The following MTHFD1 variants were observed in gnomAD, a reference collection of about 807,000 sequenced individuals.
MTHFD1 encodes methylenetetrahydrofolate dehydrogenase, cyclohydrolase and formyltetrahydrofolate synthetase 1.
MTHFD1 carries 44 observed loss-of-function variants against 110.3 expected under a neutral mutation model. That is an observed-to-expected ratio of 0.40 (90% CI 0.31 to 0.51). The LOEUF (loss-of-function observed/expected upper bound fraction) is 0.51, where lower values mean the gene tolerates loss of function less well. Among genes scored for constraint, MTHFD1 ranks in the 20% least tolerant of loss-of-function variants. The probability of loss-of-function intolerance (pLI) is 0.60; values close to 1 mark genes in which losing one functional copy is unlikely to be tolerated. For synonymous variants in MTHFD1, 402 were observed against 428.8 expected (o/e 0.94, Z 0.77); for missense variants, 909 against 1,173.1 (o/e 0.77, Z 3.29).
chr14:64,399,589 G>A lies in MTHFD1; in HGVS notation c.42-1204G>A, dbSNP rs61465201. Among the ~76,000 whole-genome samples, 9 of 150,422 alleles carry A rather than the reference G, an allele frequency of 6.0e-5. No homozygotes were observed. In the South Asian group the frequency reaches 1.3e-3, roughly 21 times the overall value. The stretch of plus-strand genomic sequence containing the variant: ...CAGCAGAATCGCTTGAACCCAGGAG[G>A]TGGAGGTTGCAGTGAGCAGATATCG... On this transcript the variant is annotated intron_variant, in intron 1 of 27. Transcript: ENST00000652337.
In MTHFD1 at chr14:64,448,129, G is replaced by A; in HGVS notation, c.2179-88G>A. On this transcript the variant is annotated intron_variant, in intron 22 of 27. Transcript: ENST00000652337. ...TTGTCCTGATAGTGAGTGGCTGCTG[G>A]CTCAAGGAGGTTGTTTGCCTTTGAA... is the stretch of plus-strand genomic sequence containing the variant. The A allele has an allele frequency of 3.3e-6, 3 of 909,246 alleles. No homozygotes were observed. In the South Asian group the frequency reaches 4.2e-5, roughly 13 times the overall value. The allele number at this position is 909,246 out of a possible 1,614,324, so 56.3% of individuals were successfully genotyped here. A position where few individuals can be genotyped will look rare whatever the true frequency, so the allele number is the denominator to read the frequency against.
At chr14:64,412,839 C>T (rs2077995109) in intron 4 of MTHFD1, among the ~76,000 whole-genome samples, 2 of 151,586 alleles carry the variant, frequency 1.3e-5, no homozygotes, top group East Asian at 2.0e-4. Flanking sequence ...GGTTTCACCA[C>T]GTTGGCCAGG....
chr14:64,403,107 C>T (rs1177498940), intron 2 of MTHFD1, among the ~76,000 whole-genome samples: 5 of 151,270 alleles, frequency 3.3e-5, no homozygotes, highest in South Asian at 2.1e-4. Flanking sequence ...TACAGGCATG[C>T]GCCACCATGC....
intron 11 of MTHFD1, 42 bp downstream of exon 11, chr14:64,426,234 G>A: frequency 6.2e-7 from 1 of 1,611,732 alleles, no homozygotes; most frequent in Non-Finnish European, 8.5e-7. Flanking sequence ...CTTAGTATCA[G>A]TCCTGATACT....
In MTHFD1 at chr14:64,417,318, T is replaced by C. The variant is rs1464306334; in HGVS notation, c.479-570T>C. On this transcript the variant is annotated intron_variant, in intron 6 of 27. Coordinates refer to ENST00000652337, the MANE Select transcript of MTHFD1 (RefSeq NM_005956.4). The surrounding 1 kb of genome is among the most constrained non-coding windows in gnomAD (Gnocchi z 4.4). ...TATATTGCCAGAAAAATGGATGCTG[T>C]GATAGCAAAAAGAAAGCTTTGCTGC... Among the ~76,000 whole-genome samples, 1 of 152,188 alleles carries C rather than the reference T, an allele frequency of 6.6e-6. No homozygotes were observed. Among genetic ancestry groups the C allele is most frequent in the Non-Finnish European group, 1.5e-5 (1 of 68,032 alleles).
chr14:64,441,916 A>G, intron 19 of MTHFD1, 138 bp from the exon 20 acceptor site: 1 of 716,752 alleles, frequency 1.4e-6, no homozygotes, highest in South Asian at 1.5e-5. Context: ...CGTTACTGAA[A>G]TAAAAGAGAT....
rs755219051 is a variant in MTHFD1 at position 64,427,436 on chromosome 14, G to A, written c.1227G>A (p.Val409=). 7 of 1,614,070 alleles carry A rather than the reference G, an allele frequency of 4.3e-6. No homozygotes were observed. Among genetic ancestry groups the A allele is most frequent in the Non-Finnish European group, 5.1e-6 (6 of 1,180,032 alleles). The part of the protein sequence containing the change: ...AHLYQNVFAC[V]RQPSQGPTFG... ...TCTACCAGAATGTCTTTGCGTGTGTGCGACAGCCTTCTCAGGGCCCCACCT... is the reference window on the plus strand; with the variant it reads ...TCTACCAGAATGTCTTTGCGTGTGTACGACAGCCTTCTCAGGGCCCCACCT... The change falls in exon 12 of 28, where the codon GTG becomes GTA. Residue 409 remains valine, a synonymous_variant. Coordinates refer to ENST00000652337, the MANE Select transcript of MTHFD1 (RefSeq NM_005956.4).
intron 6 of MTHFD1, among the ~76,000 whole-genome samples, chr14:64,415,998 T>C (rs1002043402): frequency 2.0e-5 from 3 of 152,180 alleles, no homozygotes; most frequent in African/African-American, 7.2e-5. Flanking sequence ...CCCAGCACTT[T>C]GGGAGGCTGA....
chr14:64,458,088 A>G (rs542587888), intron 26 of MTHFD1, 126 bp from the exon 27 acceptor site: 2 of 786,502 alleles, frequency 2.5e-6, no homozygotes, highest in South Asian at 1.3e-5. Context: ...TGGGGGTCTC[A>G]CTATGTTGCC....
chr14:64,393,832 A>T (rs552569345), intron 1 of MTHFD1, among the ~76,000 whole-genome samples: 40 of 152,230 alleles, frequency 2.6e-4, no homozygotes, highest in African/African-American at 8.7e-4. Context: ...CTTGGAGTGG[A>T]AGCAAATGGC....
intron 1 of MTHFD1, among the ~76,000 whole-genome samples, chr14:64,399,238 C>A (rs1263021658): frequency 6.6e-6 from 1 of 152,174 alleles, no homozygotes; most frequent in Non-Finnish European, 1.5e-5. Context: ...AAAAGATGAG[C>A]ATCAGCACTT....
At chr14:64,421,601 CT>C (rs1673331711) in intron 8 of MTHFD1, among the ~76,000 whole-genome samples, 1 of 151,124 alleles carries the variant, frequency 6.6e-6, no homozygotes, top group Middle Eastern at 3.2e-3. Context: ...CAAGCTCAGT[CT>C]TTTTATTTAT....
intron 1 of MTHFD1, among the ~76,000 whole-genome samples, chr14:64,393,848 TCTC>T (rs1188847759): frequency 6.6e-6 from 1 of 152,188 alleles, no homozygotes; most frequent in African/African-American, 2.4e-5. Flanking sequence ...ATGGCTCCCT[TCTC>T]CTCTAATTGA....
intron 4 of MTHFD1, 23 bp downstream of exon 4, chr14:64,412,548 T>C (rs1048813243): frequency 6.3e-7 from 1 of 1,597,790 alleles, no homozygotes; most frequent in African/African-American, 1.3e-5. Flanking sequence ...GAGTTGATTG[T>C]GAAGAGGGAA....
chr14:64,441,562 T>G, intron 19 of MTHFD1, 109 bp downstream of exon 19: 2 of 967,090 alleles, frequency 2.1e-6, no homozygotes, highest in Non-Finnish European at 3.2e-6. Flanking sequence ...ATCCCAGCAC[T>G]TTGGGAGGCC....
At chr14:64,452,637 A>T (rs1350933285) in intron 24 of MTHFD1, among the ~76,000 whole-genome samples, 2 of 152,220 alleles carry the variant, frequency 1.3e-5, no homozygotes, top group Non-Finnish European at 2.9e-5. Context: ...CGTGTTGATC[A>T]TGTAAATCAC....
In MTHFD1 at chr14:64,455,421, T is replaced by A. The variant is rs959608528; in HGVS notation, c.2718+546T>A. On this transcript the variant is annotated intron_variant, in intron 26 of 27. Transcript: ENST00000652337. Reference sequence around the variant, plus strand: ...CGCTTCAAGGTGAACAAGGTGTCCATTGCTTTCTTATCTTACAGATTTTAT... The same window carrying A: ...CGCTTCAAGGTGAACAAGGTGTCCAATGCTTTCTTATCTTACAGATTTTAT... 2.0e-5 allele frequency among the ~76,000 whole-genome samples: 3 copies of A among 152,214 alleles called. No individual in the cohort carries two copies. In the East Asian group the frequency reaches 5.8e-4, roughly 29 times the overall value.
rs1459056300 is a variant in MTHFD1 at position 64,421,739 on chromosome 14, T to C, written c.727+1814T>C. Reference sequence around the variant, plus strand: ...TGCGGGTTCATGCCATTCTCCCGCCTCCGCCTCCCGAGTAGCTGGGACTAC... The same window carrying C: ...TGCGGGTTCATGCCATTCTCCCGCCCCCGCCTCCCGAGTAGCTGGGACTAC... On this transcript the variant is annotated intron_variant, in intron 8 of 27. Coordinates refer to ENST00000652337, the MANE Select transcript of MTHFD1 (RefSeq NM_005956.4). Among the ~76,000 whole-genome samples, 3 of 152,034 alleles carry C rather than the reference T, an allele frequency of 2.0e-5. No homozygotes were observed. In the East Asian group the frequency reaches 5.8e-4, roughly 29 times the overall value.
intron 22 of MTHFD1, among the ~76,000 whole-genome samples, chr14:64,445,487 G>A (rs916244924): frequency 6.6e-6 from 1 of 152,186 alleles, no homozygotes. Context: ...AGGAAAGACA[G>A]GCCATCAGAT....
Sources: allele counts gnomAD v4.1 joint callset (sites outside exome capture counted in the v4.1 genomes callset), GRCh38; gene constraint gnomAD v4.1.1; non-coding constraint Gnocchi (gnomAD v3.1); transcripts MANE v1.5; gene names NCBI Gene and HGNC (gene_info 2026-07-23, HGNC 2026-07-21).